Variants in ANKMY1 observed in about 807,000 individuals in gnomAD.
ANKMY1 encodes the protein ankyrin repeat and MYND domain containing 1, also known as ankyrin repeat and MYND domain-containing protein 1.
Under a neutral mutation model 102.0 loss-of-function variants are expected in ANKMY1, and 98 were observed. The ratio of observed to expected loss-of-function variants is 0.96; its 90% CI spans 0.82 to 1.14. The LOEUF (loss-of-function observed/expected upper bound fraction) is 1.14, where lower values mean the gene tolerates loss of function less well. Ranked by LOEUF, ANKMY1 falls within the 50% of genes most tolerant of loss-of-function variation. The probability of loss-of-function intolerance (pLI) is 0.00; values close to 1 mark genes in which losing one functional copy is unlikely to be tolerated. For missense variants in ANKMY1, 1,330 were observed against 1,347.6 expected, an observed-to-expected ratio of 0.99 and a Z score of 0.20; for synonymous variants, 582 against 559.9, an observed-to-expected ratio of 1.04 and a Z score of -0.56.
chr2:240,503,331 T>A (rs965853880), intron 13 of ANKMY1, among the ~76,000 whole-genome samples: 2 of 152,266 alleles, frequency 1.3e-5, no homozygotes, highest in Middle Eastern at 3.4e-3. Flanking sequence ...GAGGATTTTG[T>A]CCCCCTGGAG....
the ANKMY1 span, among the ~76,000 whole-genome samples, chr2:240,470,382 A>T: frequency 6.6e-6 from 1 of 152,222 alleles, no homozygotes; most frequent in Non-Finnish European, 1.5e-5. Flanking sequence ...CCTGAGGGGA[A>T]AGCACACAGG....
intron 9 of ANKMY1, among the ~76,000 whole-genome samples, chr2:240,514,669 A>T (rs952012618): frequency 6.6e-5 from 10 of 152,246 alleles, no homozygotes; most frequent in African/African-American, 2.4e-4. Flanking sequence ...GCACAGAAGG[A>T]ATCCAAGAGG....
At chr2:240,521,561 G>A (rs113775613) in intron 8 of ANKMY1, among the ~76,000 whole-genome samples, 24,047 of 142,822 alleles carry the variant, frequency 0.17, 2,128 homozygotes, top group Middle Eastern at 0.31. Context: ...GTGCAGTGGC[G>A]CGATGCCACT....
intron 9 of ANKMY1, among the ~76,000 whole-genome samples, chr2:240,514,378 A>C (rs1169429112): frequency 1.3e-5 from 2 of 152,196 alleles, no homozygotes; most frequent in Non-Finnish European, 2.9e-5. Context: ...CCCAGTGCTA[A>C]GGTGACTTAA....
chr2:240,535,555 A>T (rs2152471408), intron 4 of ANKMY1, among the ~76,000 whole-genome samples: 1 of 152,304 alleles, frequency 6.6e-6, no homozygotes, highest in Middle Eastern at 3.4e-3. Flanking sequence ...CCCACAAGAG[A>T]CTTTGCAGGG....
In ANKMY1 at chr2:240,524,386, G is replaced by A. The variant is rs1478987746; in HGVS notation, c.1336-5C>T. On this transcript the variant is annotated splice_polypyrimidine_tract_variant and splice_region_variant and intron_variant, in intron 7 of 17. Coordinates refer to ENST00000401804, the MANE Select transcript of ANKMY1 (RefSeq NM_001282771.3). ...AACTGGGAATTTTGGAGGTTCCTTT[G>A]GAAAGAACCAAAAAAGTGTCATTAG... The A allele has an allele frequency of 7.6e-6, 12 of 1,582,572 alleles. No homozygotes were observed. The Admixed American group carries it at 1.6e-4, about 22-fold the overall frequency.
intron 5 of ANKMY1, among the ~76,000 whole-genome samples, 183 bp downstream of exon 5, chr2:240,528,854 C>T (rs142713933): frequency 1.6e-4 from 24 of 152,284 alleles, no homozygotes; most frequent in African/African-American, 5.1e-4. Context: ...CCTCCCAGCT[C>T]GAGTCAGCAG....
At chr2:240,549,423 C>T (rs2091090676) in intron 4 of ANKMY1, among the ~76,000 whole-genome samples, 1 of 152,192 alleles carries the variant, frequency 6.6e-6, no homozygotes, top group South Asian at 2.1e-4. Context: ...TAGAAGAAAC[C>T]TAGGCATTAC....
At chr2:240,489,587 T>G (rs1038713306) in intron 15 of ANKMY1, among the ~76,000 whole-genome samples, 2 of 152,238 alleles carry the variant, frequency 1.3e-5, no homozygotes, top group Non-Finnish European at 2.9e-5. Flanking sequence ...ATTTATTAAT[T>G]TGCATATGTT....
chr2:240,497,967 C>G (rs1000278038), intron 15 of ANKMY1, among the ~76,000 whole-genome samples: 2 of 152,200 alleles, frequency 1.3e-5, no homozygotes, highest in African/African-American at 4.8e-5. Flanking sequence ...CGCTCATGGG[C>G]CAGTACAAGC....
intron 10 of ANKMY1, 100 bp downstream of exon 10, chr2:240,512,702 C>T: frequency 1.4e-6 from 2 of 1,413,050 alleles, no homozygotes; most frequent in South Asian, 1.5e-5. Context: ...GCCAGGAGGC[C>T]CATCATGCTC....
chr2:240,472,191 G>T, the ANKMY1 span, among the ~76,000 whole-genome samples: 1 of 137,174 alleles, frequency 7.3e-6, no homozygotes, highest in Non-Finnish European at 1.6e-5. Flanking sequence ...ACTGAGACAA[G>T]CCCAGCTGTA....
intron 15 of ANKMY1, among the ~76,000 whole-genome samples, chr2:240,495,855 C>T (rs2077191967): frequency 6.6e-6 from 1 of 152,200 alleles, no homozygotes; most frequent in African/African-American, 2.4e-5. Context: ...GGAATTCACT[C>T]CTGATGCCCA....
chr2:240,556,327 G>A (rs1254331014), intron 2 of ANKMY1, among the ~76,000 whole-genome samples: 1 of 152,216 alleles, frequency 6.6e-6, no homozygotes, highest in African/African-American at 2.4e-5. Context: ...CATGCCCAGA[G>A]CGAGATCCGC....
intron 4 of ANKMY1, chr2:240,531,926 C>A: frequency 9.3e-6 from 2 of 214,754 alleles, no homozygotes; most frequent in African/African-American, 2.4e-5. Flanking sequence ...GGAAAAAATA[C>A]TAAGAAAATA....
intron 7 of ANKMY1, 52 bp from the exon 8 acceptor site, chr2:240,524,433 C>T (rs781594230): frequency 2.0e-6 from 3 of 1,535,216 alleles, no homozygotes; most frequent in Non-Finnish European, 2.6e-6. Flanking sequence ...GTGATAACCT[C>T]ATTCTAGGAC....
chr2:240,500,418 C>G (rs371070234), intron 14 of ANKMY1, 34 bp downstream of exon 14: 1 of 1,594,380 alleles, frequency 6.3e-7, no homozygotes, highest in African/African-American at 1.3e-5. Flanking sequence ...GACCCACACT[C>G]CCCCTCCTTC....
chr2:240,529,373 C>G lies in ANKMY1; in HGVS notation c.617G>C (p.Arg206Thr). Residue 206 changes from arginine (R) to threonine (T), a missense_variant, in exon 5 of 18, where the codon AGA becomes ACA. Transcript: ENST00000401804. The surrounding 1 kb of genome is among the most constrained non-coding windows in gnomAD (Gnocchi z 4.2). ...TQIPSGFSLL[R>T]YPEFSSFITH... is the part of the protein sequence containing the mutation. ...GATGAAGCTGGAGAACTCAGGGTAT[C>G]TGAGGAGGGAGAAGCCACTGGGGAT... 6.2e-7 allele frequency: 1 copy of G among 1,614,156 alleles called. No homozygotes were observed. Among genetic ancestry groups the G allele is most frequent in the Middle Eastern group, 1.6e-4 (1 of 6,062 alleles).
At chr2:240,500,259 G>A (rs2077951778) in intron 14 of ANKMY1, 136 bp from the exon 15 acceptor site, 30 of 1,247,338 alleles carry the variant, frequency 2.4e-5, no homozygotes, top group Non-Finnish European at 3.2e-5. Context: ...ACACAAAGCT[G>A]GGAGCACATA....
Sources: gnomAD v4.1 joint callset for allele counts (sites outside exome capture counted in the v4.1 genomes callset) on GRCh38, gnomAD v4.1.1 for gene constraint, Gnocchi (gnomAD v3.1) non-coding constraint, MANE v1.5 for transcripts, NCBI Gene and HGNC (gene_info 2026-07-23, HGNC 2026-07-21) for gene names.